Variants in CCDC201 observed in about 807,000 individuals in gnomAD.
CCDC201 encodes coiled-coil domain containing 201, also known as coiled-coil domain-containing protein 201.
At chr7:45,872,738 G>A (rs533957906) in intron 1 of CCDC201, among the ~76,000 whole-genome samples, 18 of 152,260 alleles carry the variant, frequency 1.2e-4, no homozygotes, top group African/African-American at 4.3e-4. Context: ...AGGCCATGTC[G>A]TGGGCATCAA....
chr7:45,864,675 G>A (rs980323016), intron 2 of CCDC201, among the ~76,000 whole-genome samples: 3 of 152,162 alleles, frequency 2.0e-5, no homozygotes, highest in African/African-American at 7.2e-5. Context: ...ACCCTCAGAA[G>A]GTGAGAGAAG....
chr7:45,876,204 A>G (rs1473414358), upstream of CCDC201, among the ~76,000 whole-genome samples: 2 of 152,166 alleles, frequency 1.3e-5, no homozygotes, highest in East Asian at 1.9e-4. Flanking sequence ...CGAAGAAACC[A>G]CAATGACTTT....
intron 1 of CCDC201, among the ~76,000 whole-genome samples, chr7:45,870,805 A>C (rs1786735019): frequency 1.3e-5 from 2 of 152,224 alleles, no homozygotes. Flanking sequence ...AAAAAAACCA[A>C]CAACAACAAA....
At chr7:45,871,894 A>G (rs1474132672) in intron 1 of CCDC201, among the ~76,000 whole-genome samples, 1 of 152,124 alleles carries the variant, frequency 6.6e-6, no homozygotes, top group African/African-American at 2.4e-5. Flanking sequence ...TAGACAACAC[A>G]AGGAGGAAAC....
chr7:45,866,057 G>A (rs1393979712), exon 2 of CCDC201: 1 of 160,532 alleles, frequency 6.2e-6, no homozygotes, highest in South Asian at 1.4e-4. Context: ...GCTTCTTCGG[G>A]TCTCGTCTCT....
At chr7:45,877,037 C>T (rs373827079), upstream of CCDC201, among the ~76,000 whole-genome samples, 97 of 152,330 alleles carry the variant, frequency 6.4e-4, 1 homozygote, top group East Asian at 0.018. Context: ...GAGCCCAGCT[C>T]TTGTCATCTT....
exon 3 of CCDC201, chr7:45,861,486 A>C (rs1179348038): frequency 1.3e-5 from 2 of 152,254 alleles, no homozygotes; most frequent in African/African-American, 4.8e-5. Context: ...TGAAATATGA[A>C]GTTACTGTCT....
chr7:45,861,427 AAC>A (rs1447322714), exon 3 of CCDC201: 1 of 152,244 alleles, frequency 6.6e-6, no homozygotes, highest in Non-Finnish European at 1.5e-5. Flanking sequence ...TAAATGTTTA[AAC>A]ACACTACACA....
chr7:45,875,740 C>G (rs377531304), upstream of CCDC201, among the ~76,000 whole-genome samples: 1 of 151,768 alleles, frequency 6.6e-6, no homozygotes, highest in Non-Finnish European at 1.5e-5. Flanking sequence ...TGCTTGGTCC[C>G]GGTTCCCAGT....
chr7:45,871,050 GTACT>G (rs1369571774), intron 1 of CCDC201, among the ~76,000 whole-genome samples: 5 of 152,148 alleles, frequency 3.3e-5, no homozygotes, highest in African/African-American at 4.8e-5. Context: ...CTAAAAATCA[GTACT>G]TAAATGTTGA....
chr7:45,869,906 C>T (rs1028965827), intron 1 of CCDC201, among the ~76,000 whole-genome samples: 3 of 151,938 alleles, frequency 2.0e-5, no homozygotes, highest in East Asian at 3.9e-4. Flanking sequence ...TAACCTCTGC[C>T]TCTTGGATTC....
At chr7:45,864,940 G>A (rs1351522455) in intron 2 of CCDC201, among the ~76,000 whole-genome samples, 1 of 152,116 alleles carries the variant, frequency 6.6e-6, no homozygotes, top group Non-Finnish European at 1.5e-5. Context: ...AGAGTCAGAT[G>A]GGCCCAGGGA....
At chr7:45,862,980 A>C (rs533592230) in exon 3 of CCDC201, 4 of 152,454 alleles carry the variant, frequency 2.6e-5, no homozygotes, top group Middle Eastern at 6.8e-3. Flanking sequence ...GGAGAAGGGC[A>C]ACAGCATTGG....
chr7:45,879,633 C>T, the CCDC201 span, among the ~76,000 whole-genome samples: 1 of 152,140 alleles, frequency 6.6e-6, no homozygotes, highest in East Asian at 1.9e-4. Context: ...AGGAACTGCC[C>T]TCATGATCCA....
At chr7:45,863,885 A>C (rs928534073) in intron 2 of CCDC201, among the ~76,000 whole-genome samples, 1 of 152,202 alleles carries the variant, frequency 6.6e-6, no homozygotes, top group Non-Finnish European at 1.5e-5. Context: ...CTGTAAGAGC[A>C]GAAGGCCTGA....
chr7:45,865,135 T>C (rs1373149037), intron 2 of CCDC201, among the ~76,000 whole-genome samples: 1 of 152,054 alleles, frequency 6.6e-6, no homozygotes, highest in African/African-American at 2.4e-5. Flanking sequence ...AGGAAGCTAC[T>C]AGAACAAGGC....
chr7:45,885,130 G>A, the CCDC201 span, among the ~76,000 whole-genome samples: 1 of 152,184 alleles, frequency 6.6e-6, no homozygotes, highest in African/African-American at 2.4e-5. Flanking sequence ...GCATGATAGG[G>A]TGATGGAAGT....
At chr7:45,871,687 G>A (rs1014620343) in intron 1 of CCDC201, among the ~76,000 whole-genome samples, 1 of 152,192 alleles carries the variant, frequency 6.6e-6, no homozygotes, top group Non-Finnish European at 1.5e-5. Flanking sequence ...AACAAGCAGT[G>A]AATCTTCCTA....
exon 3 of CCDC201, chr7:45,861,840 G>A (rs1786605607): frequency 6.6e-6 from 1 of 152,182 alleles, no homozygotes; most frequent in Non-Finnish European, 1.5e-5. Flanking sequence ...GGAAATGTGT[G>A]CATTCTTTTT....
Sources: allele counts gnomAD v4.1 joint callset (sites outside exome capture counted in the v4.1 genomes callset), GRCh38; gene constraint gnomAD v4.1.1; transcripts MANE v1.5; gene names NCBI Gene and HGNC (gene_info 2026-07-23, HGNC 2026-07-21).